Variants in IRF8 observed in about 807,000 individuals in gnomAD.
The protein encoded by IRF8 is interferon regulatory factor 8.
In IRF8, 14 loss-of-function variants were observed where a neutral mutation model predicts 48.7. The ratio of observed to expected loss-of-function variants is 0.29; its 90% CI spans 0.19 to 0.45. IRF8 has a LOEUF of 0.45. IRF8 is among the 20% of genes least tolerant of loss of function. The probability of loss-of-function intolerance (pLI) is 1.00; values close to 1 mark genes in which losing one functional copy is unlikely to be tolerated. For synonymous variants in IRF8, 278 were observed against 227.3 expected (o/e 1.22, Z -2.01); for missense variants, 493 against 580.7 (o/e 0.85, Z 1.55).
At chr16:85,912,554 C>T (rs1181298928) in intron 4 of IRF8, among the ~76,000 whole-genome samples, 1 of 152,234 alleles carries the variant, frequency 6.6e-6, no homozygotes, top group Admixed American at 6.5e-5. Context: ...GAATTCTTGG[C>T]TTCGTGGCCC....
intron 2 of IRF8, 194 bp downstream of exon 2, chr16:85,903,383 G>T (rs528717052): frequency 2.0e-4 from 120 of 607,070 alleles, no homozygotes; most frequent in African/African-American, 9.8e-4. Flanking sequence ...TTGAATTACG[G>T]AGTCACTTTT....
intron 2 of IRF8, among the ~76,000 whole-genome samples, chr16:85,905,452 C>T (rs1289708990): frequency 1.3e-5 from 2 of 152,166 alleles, no homozygotes; most frequent in African/African-American, 4.8e-5. Context: ...TGCAAGATTC[C>T]CAATGTTTCC....
chr16:85,906,839 G>T (rs1427412993), intron 2 of IRF8, among the ~76,000 whole-genome samples: 2 of 152,080 alleles, frequency 1.3e-5, no homozygotes, highest in African/African-American at 4.8e-5. Flanking sequence ...GCATCTGGTG[G>T]GTCAAGGCTA....
At chr16:85,920,004 A>G in intron 7 of IRF8, 105 bp from the exon 8 acceptor site, 2 of 841,582 alleles carry the variant, frequency 2.4e-6, no homozygotes, top group Non-Finnish European at 4.0e-6. Context: ...GCCCTGGCCT[A>G]AATGCTACAA....
At position 85,911,764 on chromosome 16, in the gene IRF8, G is replaced by C. The variant is rs558340697; in HGVS notation, c.447+106G>C. 1.0e-4 allele frequency: 96 copies of C among 914,338 alleles called. 1 individual carries two copies. The South Asian group carries it at 1.3e-3, about 12-fold the overall frequency. 56.6% of individuals were successfully genotyped at this position (914,338 alleles called of 1,614,324 possible). A position where few individuals can be genotyped will look rare whatever the true frequency, so the allele number is the denominator to read the frequency against. ...GCTGTATGAAGGCAGCCAGACCCTC[G>C]GGCTCGCTGAGGAAGTGGCATCTCC... On this transcript the variant is annotated intron_variant, in intron 4 of 8. Transcript: ENST00000268638.
chr16:85,902,971 G>C, intron 1 of IRF8, 44 bp from the exon 2 acceptor site: 1 of 1,608,734 alleles, frequency 6.2e-7, no homozygotes. Flanking sequence ...TGATGAATGA[G>C]ACAATATCCG....
At position 85,903,093 on chromosome 16, in the gene IRF8, G is replaced by C; in HGVS notation, c.78G>C (p.Leu26=). The C allele has an allele frequency of 2.5e-6, 4 of 1,614,204 alleles. No homozygotes were observed. The highest frequency in any genetic ancestry group is 4.5e-5 in the East Asian group (2 of 44,880). The change falls in exon 2 of 9, where the codon CTG becomes CTC. Residue 26 remains leucine, a synonymous_variant. Transcript: ENST00000268638. Reference sequence around the variant, plus strand: ...TTGACAGTAGCATGTATCCAGGACTGATTTGGGAGAATGAGGAGAAGAGCA... The same window carrying C: ...TTGACAGTAGCATGTATCCAGGACTCATTTGGGAGAATGAGGAGAAGAGCA... ...EQIDSSMYPG[L]IWENEEKSMF... is the part of the protein sequence containing the mutation.
intron 3 of IRF8, among the ~76,000 whole-genome samples, chr16:85,911,194 G>T (rs366304): frequency 0.033 from 5,013 of 152,306 alleles, 295 homozygotes; most frequent in African/African-American, 0.11. Flanking sequence ...CCAGGAAATC[G>T]GTGAGTGTTT....
chr16:85,911,836 C>T (rs980122352), intron 4 of IRF8, among the ~76,000 whole-genome samples, 178 bp downstream of exon 4: 1 of 152,230 alleles, frequency 6.6e-6, no homozygotes, highest in African/African-American at 2.4e-5. Flanking sequence ...GCCCCCTCCC[C>T]AGGCCAGCTT....
chr16:85,920,261 TTTTGAGATGGA>T, intron 8 of IRF8, 37 bp downstream of exon 8: 1 of 1,223,674 alleles, frequency 8.2e-7, no homozygotes. Flanking sequence ...TTTTTTTTTT[TTTTGAGATGGA>T]GTCTTGCTCT....
chr16:85,913,845 C>G (rs1234933374), intron 5 of IRF8: 1 of 170,904 alleles, frequency 5.9e-6, no homozygotes, highest in Non-Finnish European at 1.3e-5. Flanking sequence ...TCCTTTGATT[C>G]TCTTTTGATG....
intron 1 of IRF8, among the ~76,000 whole-genome samples, chr16:85,899,595 T>G (rs1597247378): frequency 6.6e-6 from 1 of 152,178 alleles, no homozygotes; most frequent in Admixed American, 6.5e-5. Context: ...CCACGTGGAA[T>G]AATGCTTGGA....
At position 85,907,319 on chromosome 16, in the gene IRF8, A is replaced by G. The variant is rs556941431; in HGVS notation, c.175-1671A>G. ...TAAAGGAGCTGTGACTCATGGGGGC[A>G]TGATGGAGTTTCTGGAAGTGTGGTC... On this transcript the variant is annotated intron_variant, in intron 2 of 8. Transcript: ENST00000268638. 7.2e-5 allele frequency among the ~76,000 whole-genome samples: 11 copies of G among 152,368 alleles called. No individual in the cohort carries two copies. The South Asian group carries it at 2.1e-3, about 29-fold the overall frequency.
rs183114456 is a variant in IRF8, at chr16:85,900,321, G to T, written c.-2+1098G>T. Among the ~76,000 whole-genome samples, 318 of 152,308 alleles carry T rather than the reference G, an allele frequency of 2.1e-3. 3 individuals are homozygous for T. The highest frequency in any genetic ancestry group is 7.1e-3 in the African/African-American group (294 of 41,576). On this transcript the variant is annotated intron_variant, in intron 1 of 8. Transcript: ENST00000268638. ...CCTGACTGCTGTATACATTTCTAGG[G>T]CTGCAGATAGGGCTTGGCCAATAGA... is the stretch of plus-strand genomic sequence containing the variant.
chr16:85,918,370 C>T, intron 6 of IRF8, 47 bp from the exon 7 acceptor site: 1 of 1,582,108 alleles, frequency 6.3e-7, no homozygotes, highest in Non-Finnish European at 8.5e-7. Flanking sequence ...AGGAGGGACC[C>T]TGTATGTCTC....
At chr16:85,914,351 C>T (rs1368907284) in intron 5 of IRF8, 122 bp from the exon 6 acceptor site, 18 of 1,111,794 alleles carry the variant, frequency 1.6e-5, no homozygotes, top group Non-Finnish European at 2.3e-5. Context: ...CCTGTGCTCC[C>T]TGGAGCCTCT....
At chr16:85,913,362 G>A (rs2152102023) in intron 5 of IRF8, 126 bp downstream of exon 5, 1 of 732,520 alleles carries the variant, frequency 1.4e-6, no homozygotes, top group East Asian at 2.7e-5. Context: ...AGGTAGCTCA[G>A]CCCTGAGAGG....
In IRF8 at chr16:85,915,151, G is replaced by C. The variant is rs879452093; in HGVS notation, c.601+631G>C. Among the ~76,000 whole-genome samples, 10 of 152,278 alleles carry C rather than the reference G, an allele frequency of 6.6e-5. 1 individual carries two copies. The South Asian group carries it at 2.1e-3, about 32-fold the overall frequency. ...TGTGCTCCAGACTGGGGGCCTCCCC[G>C]CGGTGGGCAGAGGTGGCCTTTGTGT... On this transcript the variant is annotated intron_variant, in intron 6 of 8. Coordinates refer to ENST00000268638, the MANE Select transcript of IRF8 (RefSeq NM_002163.4).
intron 2 of IRF8, among the ~76,000 whole-genome samples, chr16:85,904,518 C>T (rs1490300388): frequency 6.6e-6 from 1 of 152,204 alleles, no homozygotes; most frequent in East Asian, 1.9e-4. Context: ...CTCTGCCTGA[C>T]CGATGTTTGC....
Sources: allele counts gnomAD v4.1 joint callset (sites outside exome capture counted in the v4.1 genomes callset), GRCh38; gene constraint gnomAD v4.1.1; transcripts MANE v1.5; gene names NCBI Gene and HGNC (gene_info 2026-07-23, HGNC 2026-07-21).